Variants in CCDC141 observed in about 807,000 individuals in gnomAD.
CCDC141 encodes the protein coiled-coil domain containing 141.
A neutral mutation model predicts 181.0 loss-of-function variants in CCDC141; 168 were observed. The ratio of observed to expected loss-of-function variants is 0.93; its 90% CI spans 0.82 to 1.05. The LOEUF is 1.05. Ranked by LOEUF, CCDC141 falls within the 50% of genes least tolerant of loss-of-function variation. CCDC141 has a pLI of 0.00. For missense variants in CCDC141, 1,902 were observed against 1,788.5 expected (o/e 1.06, Z -1.14); for synonymous variants, 666 against 642.3 (o/e 1.04, Z -0.56).
chr2:178,868,635 T>C (rs1685965447), intron 15 of CCDC141, among the ~76,000 whole-genome samples: 1 of 142,448 alleles, frequency 7.0e-6, no homozygotes, highest in Non-Finnish European at 1.5e-5. Flanking sequence ...AAAATCTAAC[T>C]TGGTTTTCGC....
At chr2:178,971,658 C>T (rs1449559060) in intron 4 of CCDC141, among the ~76,000 whole-genome samples, 1 of 152,142 alleles carries the variant, frequency 6.6e-6, no homozygotes, top group Non-Finnish European at 1.5e-5. Flanking sequence ...ATAGCAAAGA[C>T]TTGGAACCAA....
intron 4 of CCDC141, among the ~76,000 whole-genome samples, chr2:178,967,384 C>T (rs1415895047): frequency 2.6e-5 from 4 of 151,952 alleles, no homozygotes; most frequent in South Asian, 2.1e-4. Flanking sequence ...AGACTAACAG[C>T]GGATCTCTCT....
chr2:178,877,917 G>C, intron 12 of CCDC141, 47 bp downstream of exon 12: 1 of 1,511,208 alleles, frequency 6.6e-7, no homozygotes, highest in Non-Finnish European at 9.2e-7. Context: ...TTTTGACTTT[G>C]ATGAGTATCC....
chr2:178,886,125 A>T (rs1429678234), intron 10 of CCDC141, among the ~76,000 whole-genome samples: 1 of 152,116 alleles, frequency 6.6e-6, no homozygotes, highest in African/African-American at 2.4e-5. Context: ...TTCTGCTGAG[A>T]ACTGGAGTCA....
At chr2:178,862,107 A>G (rs1466012892) in intron 17 of CCDC141, among the ~76,000 whole-genome samples, 1 of 152,206 alleles carries the variant, frequency 6.6e-6, no homozygotes, top group Non-Finnish European at 1.5e-5. Flanking sequence ...ATCGACTTGT[A>G]TCCCTGTAAC....
chr2:179,004,529 A>C (rs533129282), intron 2 of CCDC141, among the ~76,000 whole-genome samples: 1 of 152,150 alleles, frequency 6.6e-6, no homozygotes, highest in Non-Finnish European at 1.5e-5. Flanking sequence ...ATTAATAAAT[A>C]CTTTATTGTC....
the CCDC141 span, among the ~76,000 whole-genome samples, chr2:178,820,372 A>C: frequency 6.6e-6 from 1 of 152,100 alleles, no homozygotes; most frequent in East Asian, 1.9e-4. Context: ...TGATAAGTTC[A>C]CGCTCAGGGT....
chr2:178,819,296 ACAT>A, the CCDC141 span, among the ~76,000 whole-genome samples: 1 of 152,118 alleles, frequency 6.6e-6, no homozygotes, highest in African/African-American at 2.4e-5. Flanking sequence ...ATTTAATTGA[ACAT>A]CATCATTATC....
At chr2:178,842,994 G>A (rs1208200804) in intron 22 of CCDC141, among the ~76,000 whole-genome samples, 1 of 152,076 alleles carries the variant, frequency 6.6e-6, no homozygotes, top group Non-Finnish European at 1.5e-5. Flanking sequence ...GGGTAGAGGG[G>A]GAGTGCAGGG....
intron 18 of CCDC141, among the ~76,000 whole-genome samples, chr2:178,855,912 A>G (rs1262661123): frequency 2.6e-5 from 4 of 152,204 alleles, no homozygotes; most frequent in African/African-American, 9.6e-5. Flanking sequence ...AGGCTATAGG[A>G]GCAGCAAAAC....
In CCDC141 at chr2:178,837,602, T is replaced by C; in HGVS notation, c.3617A>G (p.Tyr1206Cys). Residue 1206 changes from tyrosine to cysteine, a missense_variant, in exon 23 of 24, where the codon TAT becomes TGT. Physicochemically the swap from Tyr to Cys is radical, Grantham distance 194. Transcript: ENST00000443758. ...LPEDMLSGEE[Y>C]ECVSPDDISL... Reference sequence around the variant, plus strand: ...GATGTCATCAGGTGAGACACACTCATATTCTTCCCCTGAGAGCATGTCTTC... The same window carrying C: ...GATGTCATCAGGTGAGACACACTCACATTCTTCCCCTGAGAGCATGTCTTC... 1.2e-6 allele frequency: 2 copies of C among 1,613,984 alleles called. No homozygotes were observed. The highest frequency in any genetic ancestry group is 1.7e-6 in the Non-Finnish European group (2 of 1,179,940).
At position 178,831,465 on chromosome 2, in the gene CCDC141, T is replaced by C. The variant is rs1164236702; in HGVS notation, c.*2708A>G. ...TGTAACACATGTAATTTTTAAACTTTCTTTTCATTTTAGTTTTCTTGTTGA... is the reference window on the plus strand; with the variant it reads ...TGTAACACATGTAATTTTTAAACTTCCTTTTCATTTTAGTTTTCTTGTTGA... On this transcript the variant is annotated 3_prime_UTR_variant, in exon 24 of 24. Coordinates refer to ENST00000443758, the MANE Select transcript of CCDC141 (RefSeq NM_173648.4). 1.3e-5 allele frequency: 2 copies of C among 152,250 alleles called. No individual in the cohort carries two copies. The highest frequency in any genetic ancestry group is 2.4e-5 in the African/African-American group (1 of 41,478). The allele number at this position is 152,250 out of a possible 1,614,324, so 9.4% of individuals were successfully genotyped here.
chr2:178,871,434 T>TG lies in CCDC141; in HGVS notation c.2197dup (p.Gln733ProfsTer7), dbSNP rs766386946. The stretch of plus-strand genomic sequence containing the variant: ...AGCAATATATTTCTTCACCTGGAAC[T>TG]GAGGCTTCATGTCATTCCATTTTTG... On this transcript the variant is annotated frameshift_variant, in exon 14 of 24. Transcript: ENST00000443758. LOFTEE classifies it high-confidence loss of function. 1.9e-6 allele frequency: 3 copies of TG among 1,613,364 alleles called. No homozygotes were observed. Among genetic ancestry groups the TG allele is most frequent in the Non-Finnish European group, 2.5e-6 (3 of 1,179,696 alleles).
chr2:178,975,992 C>G (rs1019784418), intron 3 of CCDC141, among the ~76,000 whole-genome samples: 1 of 152,124 alleles, frequency 6.6e-6, no homozygotes, highest in Non-Finnish European at 1.5e-5. Flanking sequence ...ATTTCACACT[C>G]TAAATGGTGA....
intron 5 of CCDC141, among the ~76,000 whole-genome samples, chr2:178,949,731 C>T (rs1463448347): frequency 3.9e-5 from 6 of 152,122 alleles, no homozygotes; most frequent in African/African-American, 1.2e-4. Context: ...TCTCTGAGAG[C>T]AAGAAGCCAG....
chr2:178,826,345 T>C (rs1211151649), downstream of CCDC141, among the ~76,000 whole-genome samples: 2 of 152,184 alleles, frequency 1.3e-5, no homozygotes, highest in African/African-American at 4.8e-5. Flanking sequence ...TGTTGAGGAT[T>C]TTTGTAATTA....
At chr2:178,991,108 C>G (rs1193595444) in intron 2 of CCDC141, among the ~76,000 whole-genome samples, 1 of 152,100 alleles carries the variant, frequency 6.6e-6, no homozygotes, top group Non-Finnish European at 1.5e-5. Context: ...CTAGTTTTGC[C>G]CACGACTGTC....
the CCDC141 span, among the ~76,000 whole-genome samples, chr2:178,816,249 T>C: frequency 1.3e-5 from 2 of 152,336 alleles, no homozygotes; most frequent in South Asian, 4.1e-4. Flanking sequence ...TCTTATTGTC[T>C]CTGTACTGTT....
chr2:178,974,789 G>A (rs1691047216), intron 4 of CCDC141, among the ~76,000 whole-genome samples: 1 of 152,144 alleles, frequency 6.6e-6, no homozygotes, highest in African/African-American at 2.4e-5. Context: ...GAACAAGGTA[G>A]AAATGGCCTC....
Sources: gnomAD v4.1 joint callset for allele counts (sites outside exome capture counted in the v4.1 genomes callset) on GRCh38, gnomAD v4.1.1 for gene constraint, MANE v1.5 for transcripts, NCBI Gene and HGNC (gene_info 2026-07-23, HGNC 2026-07-21) for gene names.